The following LIN28B variants were observed in gnomAD, a reference collection of about 807,000 sequenced individuals.
LIN28B encodes protein lin-28 homolog B.
Under a neutral mutation model 21.9 loss-of-function variants are expected in LIN28B, and 5 were observed. The observed-to-expected ratio is 0.23, with a 90% CI of 0.12 to 0.48. The LOEUF (loss-of-function observed/expected upper bound fraction) is 0.48, where lower values mean the gene tolerates loss of function less well. Ranked by LOEUF, LIN28B falls within the 20% of genes least tolerant of loss-of-function variation. The pLI is 0.98. For missense variants in LIN28B, 245 were observed against 310.5 expected (o/e 0.79, Z 1.58); for synonymous variants, 109 against 111.3 (o/e 0.98, Z 0.13).
At chr6:104,989,757 A>ATAGC (rs1436704434) in intron 2 of LIN28B, among the ~76,000 whole-genome samples, 8 of 151,462 alleles carry the variant, frequency 5.3e-5, no homozygotes, top group Admixed American at 5.3e-4. Context: ...ATGTCTGGCT[A>ATAGC]ATTTTTGTAT....
chr6:104,954,304 A>G (rs1384351298), upstream of LIN28B, among the ~76,000 whole-genome samples: 1 of 152,216 alleles, frequency 6.6e-6, no homozygotes, highest in Non-Finnish European at 1.5e-5. Context: ...ACTTTCTGTG[A>G]AAGAAGCACT....
At chr6:105,038,087 A>G (rs950662212) in intron 3 of LIN28B, among the ~76,000 whole-genome samples, 1 of 152,186 alleles carries the variant, frequency 6.6e-6, no homozygotes, top group African/African-American at 2.4e-5. Flanking sequence ...AGTACAAACC[A>G]TAAGGGATAA....
intron 2 of LIN28B, among the ~76,000 whole-genome samples, chr6:104,965,145 G>C (rs1329903942): frequency 6.6e-6 from 1 of 152,208 alleles, no homozygotes; most frequent in African/African-American, 2.4e-5. Context: ...GCCAAAATGT[G>C]TTGTATATTA....
At chr6:105,005,393 A>G (rs1011187600) in intron 2 of LIN28B, among the ~76,000 whole-genome samples, 5 of 152,076 alleles carry the variant, frequency 3.3e-5, no homozygotes, top group African/African-American at 7.2e-5. Flanking sequence ...ACTATTCTCA[A>G]TAAAGTGTTC....
At chr6:105,041,903 G>T (rs1049437269) in intron 3 of LIN28B, among the ~76,000 whole-genome samples, 9 of 152,120 alleles carry the variant, frequency 5.9e-5, no homozygotes, top group African/African-American at 2.2e-4. Flanking sequence ...GGAGGGTGAT[G>T]TGGGAAGAAA....
At chr6:104,961,022 C>T (rs1322530429) in intron 2 of LIN28B, among the ~76,000 whole-genome samples, 1 of 152,028 alleles carries the variant, frequency 6.6e-6, no homozygotes, top group African/African-American at 2.4e-5. Flanking sequence ...TGAGATTCTG[C>T]TATTTGAGGA....
chr6:104,984,205 TA>T (rs1274526571), intron 2 of LIN28B, among the ~76,000 whole-genome samples: 6 of 152,180 alleles, frequency 3.9e-5, no homozygotes, highest in Admixed American at 6.5e-5. Context: ...AGTATGCGTT[TA>T]AAAAAATAGG....
At chr6:104,999,627 G>A (rs187615328) in intron 2 of LIN28B, among the ~76,000 whole-genome samples, 5 of 152,256 alleles carry the variant, frequency 3.3e-5, no homozygotes, top group African/African-American at 4.8e-5. Flanking sequence ...TGTATATTGT[G>A]TAGCCAATTT....
intron 2 of LIN28B, chr6:104,941,467 G>C (rs928461880): frequency 3.3e-5 from 5 of 149,838 alleles, no homozygotes; most frequent in African/African-American, 1.2e-4. Flanking sequence ...GGGCAGGGCG[G>C]GGGCGCAGGC....
At chr6:104,961,037 A>G (rs1769729019) in intron 2 of LIN28B, among the ~76,000 whole-genome samples, 1 of 152,176 alleles carries the variant, frequency 6.6e-6, no homozygotes, top group Admixed American at 6.5e-5. Context: ...TGAGGATGGT[A>G]TGTAACCATT....
chr6:104,967,983 G>C (rs1196045453), intron 2 of LIN28B, among the ~76,000 whole-genome samples: 1 of 152,136 alleles, frequency 6.6e-6, no homozygotes, highest in Non-Finnish European at 1.5e-5. Flanking sequence ...ACAGATGTGA[G>C]CCACTTTGCT....
chr6:105,019,488 T>C (rs558279575), intron 2 of LIN28B, among the ~76,000 whole-genome samples: 2 of 152,232 alleles, frequency 1.3e-5, no homozygotes, highest in Non-Finnish European at 2.9e-5. Flanking sequence ...AGGCCATGTT[T>C]GCCTGTTTTC....
chr6:105,032,084 C>A (rs780781779), intron 3 of LIN28B, among the ~76,000 whole-genome samples: 1 of 152,146 alleles, frequency 6.6e-6, no homozygotes, highest in Admixed American at 6.5e-5. Flanking sequence ...CTTTGAAATT[C>A]ATCCAAGCTG....
intron 3 of LIN28B, among the ~76,000 whole-genome samples, chr6:105,052,415 C>T (rs1771926277): frequency 6.6e-6 from 1 of 151,892 alleles, no homozygotes; most frequent in Non-Finnish European, 1.5e-5. Context: ...TGGCAAGTGC[C>T]CTCTTGATGT....
intron 3 of LIN28B, among the ~76,000 whole-genome samples, chr6:105,053,406 T>TGTGTGTGTGTGC (rs1771951551): frequency 6.6e-6 from 1 of 151,856 alleles, no homozygotes; most frequent in Non-Finnish European, 1.5e-5. Flanking sequence ...TGTGTGTGTG[T>TGTGTGTGTGTGC]GTGTGTGCAC....
chr6:104,954,856 TA>T (rs546653113), upstream of LIN28B, among the ~76,000 whole-genome samples: 71 of 152,314 alleles, frequency 4.7e-4, 3 homozygotes, highest in South Asian at 0.01. Context: ...TCATCAAATT[TA>T]ACAATAAACA....
intron 3 of LIN28B, among the ~76,000 whole-genome samples, chr6:105,047,171 A>G (rs1375755169): frequency 6.6e-6 from 1 of 152,146 alleles, no homozygotes; most frequent in Non-Finnish European, 1.5e-5. Flanking sequence ...TAAGTCTTTA[A>G]TTCATATTGA....
intron 3 of LIN28B, among the ~76,000 whole-genome samples, chr6:104,950,885 A>G (rs1049742488): frequency 6.6e-6 from 1 of 152,232 alleles, no homozygotes; most frequent in South Asian, 2.1e-4. Flanking sequence ...TAAAATATGC[A>G]CTAACGAATA....
intron 2 of LIN28B, among the ~76,000 whole-genome samples, chr6:105,022,971 G>T (rs930709298): frequency 6.6e-6 from 1 of 151,294 alleles, no homozygotes; most frequent in African/African-American, 2.4e-5. Context: ...TTCCATAAAT[G>T]GTTTGGGTAA....
Sources: allele counts gnomAD v4.1 joint callset (sites outside exome capture counted in the v4.1 genomes callset), GRCh38; gene constraint gnomAD v4.1.1; transcripts MANE v1.5; gene names NCBI Gene and HGNC (gene_info 2026-07-23, HGNC 2026-07-21).